The following DSCAM variants were observed in gnomAD, a reference collection of about 807,000 sequenced individuals.
The protein encoded by DSCAM is cell adhesion molecule DSCAM.
Under a neutral mutation model 217.7 loss-of-function variants are expected in DSCAM, and 47 were observed. The ratio of observed to expected loss-of-function variants is 0.22; its 90% confidence interval spans 0.17 to 0.28. The LOEUF (loss-of-function observed/expected upper bound fraction) is 0.28. DSCAM is among the 10% of genes least tolerant of loss of function. DSCAM has a pLI of 1.00. For synonymous variants in DSCAM, 1,056 were observed against 1,015.3 expected, an observed-to-expected ratio of 1.04 and a Z score of -0.76; for missense variants, 2,080 against 2,618.3, an observed-to-expected ratio of 0.79 and a Z score of 4.49.
At chr21:40,721,758 CAATT>C (rs1359126661) in intron 1 of DSCAM, among the ~76,000 whole-genome samples, 3 of 151,896 alleles carry the variant, frequency 2.0e-5, no homozygotes, top group Admixed American at 1.3e-4. Flanking sequence ...AAAAATCGAA[CAATT>C]AATATACAGA....
rs1601689302 is a variant in DSCAM, at chr21:40,494,809, C to A, written c.509-125564G>T. On this transcript the variant is annotated intron_variant, in intron 3 of 32. Coordinates refer to ENST00000400454, the MANE Select transcript of DSCAM (RefSeq NM_001389.5). ...CTAGAAAAACAATAGAAAAGATCAA[C>A]AAAACTAAAGTTGGGTTTTTTTTTT... 2.9e-5 allele frequency among the ~76,000 whole-genome samples: 4 copies of A among 136,628 alleles called. No homozygotes were observed. In the South Asian group the frequency reaches 9.7e-4, roughly 33 times the overall value. The allele number at this position is 136,628 out of a possible 152,430, so 89.6% of individuals were successfully genotyped here.
At chr21:40,586,945 GA>G (rs955074211) in intron 3 of DSCAM, among the ~76,000 whole-genome samples, 3 of 152,124 alleles carry the variant, frequency 2.0e-5, no homozygotes, top group Non-Finnish European at 4.4e-5. Flanking sequence ...ATCTAAAAAG[GA>G]AAACAAGGCA....
intron 1 of DSCAM, among the ~76,000 whole-genome samples, chr21:40,720,007 TAG>T (rs2090884649): frequency 6.6e-6 from 1 of 152,188 alleles, no homozygotes. Flanking sequence ...GCTCAAACCC[TAG>T]AGAGTGATGT....
At chr21:40,164,831 A>G (rs1431134719) in intron 16 of DSCAM, among the ~76,000 whole-genome samples, 2 of 152,176 alleles carry the variant, frequency 1.3e-5, no homozygotes, top group African/African-American at 2.4e-5. Flanking sequence ...AAATGAAATA[A>G]AAGTGGAAAG....
At chr21:40,674,632 CTTT>C (rs869046725) in intron 3 of DSCAM, among the ~76,000 whole-genome samples, 1 of 51,996 alleles carries the variant, frequency 1.9e-5, no homozygotes, top group African/African-American at 6.4e-5. Context: ...TTTTCTTTTT[CTTT>C]TTTTTTTTTT....
At chr21:40,663,596 C>G (rs1180487298) in intron 3 of DSCAM, among the ~76,000 whole-genome samples, 1 of 152,256 alleles carries the variant, frequency 6.6e-6, no homozygotes, top group Non-Finnish European at 1.5e-5. Flanking sequence ...GACATGGTGA[C>G]TCGTTCACAG....
intron 11 of DSCAM, among the ~76,000 whole-genome samples, chr21:40,251,434 TG>T (rs1367759462): frequency 1.3e-5 from 2 of 152,230 alleles, no homozygotes; most frequent in Non-Finnish European, 2.9e-5. Flanking sequence ...CCATTCCCGA[TG>T]TTTCCTTCTA....
intron 3 of DSCAM, among the ~76,000 whole-genome samples, chr21:40,373,949 G>A (rs944068446): frequency 3.3e-5 from 5 of 152,180 alleles, no homozygotes; most frequent in African/African-American, 1.2e-4. Context: ...AAATTAAAAT[G>A]CATTTATGTC....
At chr21:40,350,906 A>G (rs990375679) in intron 5 of DSCAM, among the ~76,000 whole-genome samples, 4 of 13,218 alleles carry the variant, frequency 3.0e-4, no homozygotes, top group Non-Finnish European at 1.7e-4. Flanking sequence ...TTTTTTTTTT[A>G]GAATTGGGGC....
chr21:40,654,112 AG>A (rs1394694073), intron 3 of DSCAM, among the ~76,000 whole-genome samples: 68 of 152,214 alleles, frequency 4.5e-4, no homozygotes, highest in African/African-American at 1.6e-3. Flanking sequence ...AAAAGAAAAA[AG>A]AAAAAAAGAA....
chr21:40,575,751 A>C (rs1420545666), intron 3 of DSCAM, among the ~76,000 whole-genome samples: 2 of 152,054 alleles, frequency 1.3e-5, no homozygotes, highest in Non-Finnish European at 2.9e-5. Context: ...ATACTTGACA[A>C]AAGATTCATA....
At chr21:40,834,276 G>A (rs963302731) in intron 1 of DSCAM, among the ~76,000 whole-genome samples, 5 of 151,524 alleles carry the variant, frequency 3.3e-5, no homozygotes, top group Admixed American at 6.6e-5. Context: ...GCATGGTGGC[G>A]GGTGCCTGTA....
chr21:40,036,597 A>G (rs1217307580), intron 32 of DSCAM, among the ~76,000 whole-genome samples: 1 of 148,438 alleles, frequency 6.7e-6, no homozygotes, highest in Non-Finnish European at 1.5e-5. Flanking sequence ...ACAAGAAGGA[A>G]CTGGTACCAT....
intron 3 of DSCAM, among the ~76,000 whole-genome samples, chr21:40,378,655 G>A (rs1010234847): frequency 1.6e-5 from 2 of 122,342 alleles, no homozygotes; most frequent in South Asian, 5.6e-4. Flanking sequence ...GCAGTGGCGC[G>A]ATCTCGGCTC....
chr21:40,276,263 C>T lies in DSCAM; in HGVS notation c.2190G>A (p.Gly730=). The T allele has an allele frequency of 6.3e-7, 1 of 1,592,768 alleles. No homozygotes were observed. The highest frequency in any genetic ancestry group is 1.4e-5 in the African/African-American group (1 of 73,692). Reference sequence around the variant, plus strand: ...GGGCAATTGGCTGGAACTGGGGAACCCCAGCACCTGAGACAGAAAAAGAAA... The same window carrying T: ...GGGCAATTGGCTGGAACTGGGGAACTCCAGCACCTGAGACAGAAAAAGAAA... ...TIVWKFSKGA[G]VPQFQPIALN... is the part of the protein sequence containing the mutation. The change falls in exon 11 of 33, where the codon GGG becomes GGA. Residue 730 remains glycine, a synonymous_variant. Coordinates refer to ENST00000400454, the MANE Select transcript of DSCAM (RefSeq NM_001389.5).
intron 3 of DSCAM, among the ~76,000 whole-genome samples, chr21:40,475,858 A>G (rs192149371): frequency 6.7e-6 from 1 of 149,806 alleles, no homozygotes; most frequent in Non-Finnish European, 1.5e-5. Context: ...AATAAAATTT[A>G]AAAAAAAACA....
intron 18 of DSCAM, among the ~76,000 whole-genome samples, chr21:40,136,584 C>T (rs1247496080): frequency 3.3e-5 from 5 of 152,302 alleles, no homozygotes; most frequent in East Asian, 1.9e-4. Context: ...AGATCACACA[C>T]GTACCTCCCT....
rs115638234 is a variant in DSCAM at position 40,263,775 on chromosome 21, T to G, written c.2356+12322A>C. On this transcript the variant is annotated intron_variant, in intron 11 of 32. Coordinates refer to ENST00000400454, the MANE Select transcript of DSCAM (RefSeq NM_001389.5). ...ATCAATGAAACAACAAGGAGGTTAT[T>G]TGAAAAGATAAATAAAATTGATAGA... 6.0e-3 allele frequency among the ~76,000 whole-genome samples: 912 copies of G among 152,124 alleles called. 12 individuals carry two copies. Among genetic ancestry groups the G allele is most frequent in the African/African-American group, 0.021 (856 of 41,502 alleles).
At chr21:40,223,690 G>C (rs1332381571) in intron 11 of DSCAM, among the ~76,000 whole-genome samples, 2 of 152,054 alleles carry the variant, frequency 1.3e-5, no homozygotes, top group African/African-American at 4.8e-5. Flanking sequence ...AAAATGCCTA[G>C]GCTATATTTC....
Sources: allele counts gnomAD v4.1 joint callset (sites outside exome capture counted in the v4.1 genomes callset), GRCh38; gene constraint gnomAD v4.1.1; transcripts MANE v1.5; gene names NCBI Gene and HGNC (gene_info 2026-07-23, HGNC 2026-07-21).